Variants in USP34 observed in about 807,000 individuals in gnomAD.
USP34 encodes the protein ubiquitin carboxyl-terminal hydrolase 34.
In USP34, 70 loss-of-function variants were observed where a neutral mutation model predicts 460.3. The observed-to-expected ratio is 0.15, with a 90% CI of 0.13 to 0.19. USP34 has a LOEUF of 0.19. Among genes scored for constraint, USP34 ranks in the 10% least tolerant of loss-of-function variants. USP34 has a pLI of 1.00. For missense variants in USP34, 3,985 were observed against 4,236.2 expected (o/e 0.94, Z 1.65); for synonymous variants, 1,647 against 1,405.3 (o/e 1.17, Z -3.85).
intron 2 of USP34, among the ~76,000 whole-genome samples, chr2:61,420,409 A>G (rs1222085068): frequency 6.6e-6 from 1 of 152,184 alleles, no homozygotes; most frequent in Admixed American, 6.5e-5. Flanking sequence ...CCCTACCACA[A>G]TGACTTTTCT....
chr2:61,340,341 C>T (rs1323214585), intron 16 of USP34, among the ~76,000 whole-genome samples: 1 of 152,110 alleles, frequency 6.6e-6, no homozygotes, highest in Non-Finnish European at 1.5e-5. Context: ...TCTAGTTTTA[C>T]GCTATTATTA....
At chr2:61,253,314 T>C (rs920588566) in intron 48 of USP34, among the ~76,000 whole-genome samples, 1 of 152,216 alleles carries the variant, frequency 6.6e-6, no homozygotes, top group African/African-American at 2.4e-5. Context: ...CAATTAGAGA[T>C]TCTCCAAAGA....
At chr2:61,338,297 G>A (rs1196399033) in intron 18 of USP34, among the ~76,000 whole-genome samples, 1 of 152,144 alleles carries the variant, frequency 6.6e-6, no homozygotes, top group East Asian at 1.9e-4. Context: ...CTCCAGCCTG[G>A]GCGATGGAGC....
chr2:61,205,945 A>G (rs1687106117), intron 72 of USP34, 72 bp downstream of exon 72: 12 of 1,174,376 alleles, frequency 1.0e-5, no homozygotes, highest in African/African-American at 1.5e-5. Flanking sequence ...TACAGGCTTA[A>G]CATCACGGAA....
intron 21 of USP34, among the ~76,000 whole-genome samples, chr2:61,323,999 A>C (rs985344309): frequency 6.6e-6 from 1 of 152,258 alleles, no homozygotes; most frequent in Admixed American, 6.5e-5. Context: ...AGATAAACAC[A>C]GTATATCTCA....
Position 61,188,312 on chromosome 2 carries a change from C to A in USP34, c.10431G>T (p.Leu3477=). ...AGCTTCTCAAGTCAGCTAAGTCAGA[C>A]AGAACTGCAGAGATAGAAGTAGAAG... ...EFPSTSISAV[L]SDLADLRSCD... The change falls in exon 80 of 80, where the codon CTG becomes CTT. Residue 3477 remains leucine (L), a synonymous_variant. Transcript: ENST00000398571. 1 of 1,613,688 alleles carries A rather than the reference C, an allele frequency of 6.2e-7. No homozygotes were observed. The highest frequency in any genetic ancestry group is 8.5e-7 in the Non-Finnish European group (1 of 1,180,024).
intron 43 of USP34, among the ~76,000 whole-genome samples, chr2:61,263,173 ATTTTTT>A (rs36015748): frequency 0.24 from 23,304 of 97,752 alleles, 2,252 homozygotes; most frequent in East Asian, 0.35. Flanking sequence ...CACACATGGA[ATTTTTT>A]TTTTTTTTTT....
At chr2:61,411,711 C>G (rs1694045603) in intron 2 of USP34, among the ~76,000 whole-genome samples, 1 of 152,058 alleles carries the variant, frequency 6.6e-6, no homozygotes, top group Non-Finnish European at 1.5e-5. Flanking sequence ...GCCCGTTTAG[C>G]CCCAACAAGA....
At chr2:61,328,298 G>A (rs1395407207) in intron 20 of USP34, among the ~76,000 whole-genome samples, 17 of 120,904 alleles carry the variant, frequency 1.4e-4, no homozygotes, top group South Asian at 6.0e-4. Context: ...CAAAAACTCC[G>A]TCAAAAAAAA....
rs757253530 is a variant in USP34, at chr2:61,370,339, A to G, written c.1233T>C (p.Cys411=). ...ATATTACCTGTGCTGCAGCCCAAAT[A>G]CAGTCAATATGTTGAGTACTCAGTC... ...EGRLSTQHID[C]IWAAAQLKHC... is the part of the protein sequence containing the mutation. The change falls in exon 10 of 80, where the codon TGT becomes TGC. Residue 411 remains cysteine, a synonymous_variant. Coordinates refer to ENST00000398571, the MANE Select transcript of USP34 (RefSeq NM_014709.4). The G allele has an allele frequency of 4.2e-5, 67 of 1,613,982 alleles. No homozygotes were observed. Among genetic ancestry groups the G allele is most frequent in the Non-Finnish European group, 5.5e-5 (65 of 1,179,966 alleles).
intron 16 of USP34, among the ~76,000 whole-genome samples, chr2:61,340,891 T>C (rs867649041): frequency 1.3e-5 from 2 of 150,252 alleles, no homozygotes; most frequent in Admixed American, 1.3e-4. Context: ...GTGGGGGGAC[T>C]GTTTTGGTAT....
chr2:61,412,137 C>T (rs1260609649), intron 2 of USP34, among the ~76,000 whole-genome samples: 3 of 142,656 alleles, frequency 2.1e-5, no homozygotes, highest in Admixed American at 7.3e-5. Flanking sequence ...TGCAGTGAGC[C>T]GAGATCATGC....
At chr2:61,229,073 C>T (rs1418699310) in intron 59 of USP34, 78 bp from the exon 60 acceptor site, 7 of 1,136,138 alleles carry the variant, frequency 6.2e-6, no homozygotes, top group Non-Finnish European at 7.1e-6. Flanking sequence ...ACTTTTTAAA[C>T]TCTGAATTTC....
intron 29 of USP34, 128 bp downstream of exon 29, chr2:61,300,823 C>CAAA: frequency 5.9e-5 from 30 of 504,738 alleles, no homozygotes; most frequent in South Asian, 9.6e-5. Context: ...AAAAAATGAA[C>CAAA]AAAAAAAAAA....
In USP34 at chr2:61,236,207, G is replaced by T. The variant is rs768229801; in HGVS notation, c.6872C>A (p.Pro2291His). The change falls in exon 55 of 80, where the codon CCC (proline) becomes CAC (histidine). Residue 2291 changes from proline to histidine, a missense_variant. Physicochemically the swap from Pro to His is moderately conservative, Grantham distance 77 (BLOSUM62 -2). Around this residue, in one of 14 missense-constraint regions of USP34, gnomAD observed 604 missense variants for 684.8 expected, o/e 0.88. Transcript: ENST00000398571. ...GFMWQLCSCI[P>H]STLPDPKAVS... ...AGCTTTAGGATCTGGTAATGTACTG[G>T]GAATACAACTACACAATTGCCACAT... The T allele has an allele frequency of 1.9e-6, 3 of 1,611,424 alleles. No individual in the cohort carries two copies. The East Asian group carries it at 6.7e-5, about 36-fold the overall frequency.
chr2:61,321,422 G>C (rs1206011136), intron 21 of USP34, among the ~76,000 whole-genome samples: 4 of 152,190 alleles, frequency 2.6e-5, no homozygotes, highest in African/African-American at 9.6e-5. Flanking sequence ...AGTGAGCCAA[G>C]ATTTGCGCCA....
chr2:61,202,257 G>A (rs1452494932), intron 75 of USP34, among the ~76,000 whole-genome samples: 2 of 152,162 alleles, frequency 1.3e-5, no homozygotes, highest in African/African-American at 4.8e-5. Flanking sequence ...TACGACTGAT[G>A]AGGGGCACAA....
intron 27 of USP34, among the ~76,000 whole-genome samples, chr2:61,308,734 T>C (rs1481712203): frequency 6.6e-6 from 1 of 152,114 alleles, no homozygotes; most frequent in Admixed American, 6.6e-5. Context: ...CTGATTAATG[T>C]CTGTAAGAAA....
chr2:61,355,609 A>AC (rs1312141970), intron 10 of USP34, among the ~76,000 whole-genome samples: 7 of 150,484 alleles, frequency 4.7e-5, no homozygotes, highest in African/African-American at 1.8e-4. Context: ...TTTCACTACA[A>AC]AAACAACAAC....
Sources: gnomAD v4.1 joint callset for allele counts (sites outside exome capture counted in the v4.1 genomes callset) on GRCh38, gnomAD v4.1.1 for gene constraint, gnomAD v4.1.1 regional missense constraint, MANE v1.5 for transcripts, NCBI Gene and HGNC (gene_info 2026-07-23, HGNC 2026-07-21) for gene names.